LRRK1: variants seen among roughly 807,000 people sequenced by gnomAD.
LRRK1 encodes leucine-rich repeat serine/threonine-protein kinase 1.
A neutral mutation model predicts 209.1 loss-of-function variants in LRRK1; 113 were observed. The observed-to-expected ratio is 0.54, with a 90% CI of 0.46 to 0.63. The LOEUF is 0.63. LRRK1 is among the 30% of genes least tolerant of loss of function. The probability of loss-of-function intolerance (pLI) is 0.00; values close to 1 mark genes in which losing one functional copy is unlikely to be tolerated. For missense variants in LRRK1, 2,284 were observed against 2,632.2 expected (o/e 0.87, Z 2.89); for synonymous variants, 1,144 against 1,099.7 (o/e 1.04, Z -0.80).
chr15:100,924,806 AG>A (rs2042081153), intron 2 of LRRK1, 77 bp downstream of exon 2: 13 of 1,036,302 alleles, frequency 1.3e-5, no homozygotes, highest in Non-Finnish European at 1.9e-5. Context: ...AGGCTATGTA[AG>A]AACAAGGAGT....
At chr15:101,006,669 A>G (rs1025280946) in intron 6 of LRRK1, among the ~76,000 whole-genome samples, 2 of 152,194 alleles carry the variant, frequency 1.3e-5, no homozygotes, top group Non-Finnish European at 2.9e-5. Context: ...ATGCTGAAGT[A>G]TTTACGGGTG....
chr15:100,984,353 A>T (rs1025143636), intron 4 of LRRK1, among the ~76,000 whole-genome samples: 3 of 152,168 alleles, frequency 2.0e-5, no homozygotes, highest in African/African-American at 7.2e-5. Context: ...GTTGCAATTC[A>T]TTCTTGCTGT....
chr15:101,048,764 C>A, intron 22 of LRRK1, 107 bp downstream of exon 22: 1 of 954,330 alleles, frequency 1.0e-6, no homozygotes, highest in South Asian at 2.0e-5. Context: ...GAATTTTGCT[C>A]GTGAGAGCGG....
At chr15:100,995,768 G>C (rs1429301827) in intron 6 of LRRK1, among the ~76,000 whole-genome samples, 1 of 152,164 alleles carries the variant, frequency 6.6e-6, no homozygotes, top group Non-Finnish European at 1.5e-5. Context: ...GGCTCACTGG[G>C]GCTGTTTTAA....
intron 20 of LRRK1, among the ~76,000 whole-genome samples, chr15:101,044,625 T>G (rs796279005): frequency 1.3e-5 from 2 of 152,310 alleles, no homozygotes; most frequent in Admixed American, 1.3e-4. Flanking sequence ...CTCAAAAACA[T>G]CATGGAGCAC....
chr15:100,990,264 G>A (rs894019916), intron 6 of LRRK1, among the ~76,000 whole-genome samples: 3 of 152,020 alleles, frequency 2.0e-5, no homozygotes, highest in Admixed American at 6.6e-5. Context: ...TTTTAGGGAC[G>A]TTCTTTAAAT....
chr15:101,018,197 GACAAC>G (rs1596280694), intron 12 of LRRK1, among the ~76,000 whole-genome samples: 21 of 115,682 alleles, frequency 1.8e-4, no homozygotes, highest in African/African-American at 6.9e-4. Context: ...AAAAAAAAAA[GACAAC>G]ACAATAGGCA....
At chr15:100,978,406 C>T (rs2031415969) in intron 3 of LRRK1, among the ~76,000 whole-genome samples, 1 of 152,156 alleles carries the variant, frequency 6.6e-6, no homozygotes, top group African/African-American at 2.4e-5. Context: ...TGAAAACAAA[C>T]AGGATATGCC....
At chr15:101,021,819 C>G (rs2033809025) in intron 13 of LRRK1, 26 bp from the exon 14 acceptor site, 2 of 1,365,480 alleles carry the variant, frequency 1.5e-6, no homozygotes, top group Non-Finnish European at 2.1e-6. Context: ...TGTGTATTCT[C>G]TCGTGGTGGA....
At chr15:101,043,290 C>T (rs1014241023) in intron 20 of LRRK1, among the ~76,000 whole-genome samples, 1 of 152,240 alleles carries the variant, frequency 6.6e-6, no homozygotes, top group Non-Finnish European at 1.5e-5. Flanking sequence ...AGGCCCCACC[C>T]ACCTCCCACT....
intron 1 of LRRK1, among the ~76,000 whole-genome samples, chr15:100,920,880 C>A (rs2042009040): frequency 6.6e-6 from 1 of 152,186 alleles, no homozygotes; most frequent in Admixed American, 6.5e-5. Context: ...CCCAGCTGAT[C>A]CAGCCTCTGC....
intron 23 of LRRK1, among the ~76,000 whole-genome samples, chr15:101,050,380 G>A (rs1205926795): frequency 2.0e-5 from 3 of 152,126 alleles, no homozygotes; most frequent in Non-Finnish European, 4.4e-5. Context: ...TTTGCTCCTG[G>A]GGTGGAGACG....
rs994948899 is a variant in LRRK1, at chr15:100,919,610, C to A, written c.-123+159C>A. ...CGGCCGCGTGGTCGGGCACGGGGGG[C>A]CGTTGCGCAGGGGCCGCGGCCCGAG... On this transcript the variant is annotated intron_variant, in intron 1 of 33. Transcript: ENST00000388948. The surrounding 1 kb of genome is among the most constrained non-coding windows in gnomAD (Gnocchi z 5.8). 6.7e-6 allele frequency among the ~76,000 whole-genome samples: 1 copy of A among 149,630 alleles called. No homozygotes were observed. Among genetic ancestry groups the A allele is most frequent in the African/African-American group, 2.4e-5 (1 of 41,100 alleles).
chr15:100,988,905 T>A, intron 5 of LRRK1, 92 bp downstream of exon 5: 1 of 1,087,018 alleles, frequency 9.2e-7, no homozygotes, highest in Non-Finnish European at 1.3e-6. Flanking sequence ...CACTCTTGGC[T>A]CTCAAATCAC....
chr15:101,001,439 T>C (rs1361930572), intron 6 of LRRK1, among the ~76,000 whole-genome samples: 3 of 152,190 alleles, frequency 2.0e-5, no homozygotes, highest in Non-Finnish European at 4.4e-5. Context: ...TTTTGGCATT[T>C]TCTCCAGGCC....
intron 12 of LRRK1, among the ~76,000 whole-genome samples, chr15:101,020,705 G>C (rs533249146): frequency 2.6e-5 from 4 of 152,232 alleles, no homozygotes; most frequent in Admixed American, 2.6e-4. Context: ...GGTAGCTCTT[G>C]AGTATTACTT....
intron 11 of LRRK1, among the ~76,000 whole-genome samples, 194 bp from the exon 12 acceptor site, chr15:101,015,132 A>T (rs1173624781): frequency 2.0e-5 from 3 of 152,106 alleles, no homozygotes; most frequent in Non-Finnish European, 4.4e-5. Flanking sequence ...CTTGCACCCC[A>T]AGGAGGACCT....
intron 2 of LRRK1, among the ~76,000 whole-genome samples, chr15:100,938,816 G>A (rs1180158472): frequency 1.3e-5 from 2 of 152,200 alleles, no homozygotes; most frequent in African/African-American, 4.8e-5. Context: ...AGAGGGCCGG[G>A]TGTGGTGGCT....
At position 100,987,635 on chromosome 15, in the gene LRRK1, GAC is replaced by G. The variant is rs568028843; in HGVS notation, c.434-995_434-994del. ...AGTGTCAGTACTTTAATAATACAAT[GAC>G]ACAACATCATGAGTTAGGGTTTATT... On this transcript the variant is annotated intron_variant, in intron 4 of 33. Transcript: ENST00000388948. 1.4e-3 allele frequency among the ~76,000 whole-genome samples: 216 copies of G among 152,188 alleles called. 1 individual carries two copies. Among genetic ancestry groups the G allele is most frequent in the South Asian group, 4.1e-3 (20 of 4,824 alleles).
Sources: gnomAD v4.1 joint callset for allele counts (sites outside exome capture counted in the v4.1 genomes callset) on GRCh38, gnomAD v4.1.1 for gene constraint, Gnocchi (gnomAD v3.1) non-coding constraint, MANE v1.5 for transcripts, NCBI Gene and HGNC (gene_info 2026-07-23, HGNC 2026-07-21) for gene names.